The following TEX14 variants were observed in gnomAD, a reference collection of about 807,000 sequenced individuals.
TEX14 encodes testis expressed 14, intercellular bridge forming factor.
TEX14 carries 168 observed loss-of-function variants against 178.6 expected under a neutral mutation model. That is an observed-to-expected ratio of 0.94 (90% CI 0.83 to 1.07). TEX14 has a LOEUF of 1.07. Ranked by LOEUF, TEX14 falls within the 50% of genes least tolerant of loss-of-function variation. TEX14 has a pLI of 0.00. For missense variants in TEX14, 1,730 were observed against 1,753.6 expected, an observed-to-expected ratio of 0.99 and a Z score of 0.24; for synonymous variants, 626 against 634.1, an observed-to-expected ratio of 0.99 and a Z score of 0.19.
intron 30 of TEX14, among the ~76,000 whole-genome samples, 196 bp downstream of exon 30, chr17:58,559,257 T>C (rs1048508255): frequency 9.9e-5 from 15 of 152,126 alleles, no homozygotes; most frequent in African/African-American, 2.7e-4. Flanking sequence ...GGAAATAGAA[T>C]TGGATGTTAT....
intron 15 of TEX14, among the ~76,000 whole-genome samples, chr17:58,590,534 TTTGTTGTTGTTGTTG>T (rs76273680): frequency 9.4e-5 from 14 of 149,328 alleles, no homozygotes; most frequent in South Asian, 2.2e-4. Flanking sequence ...TCCAACTATT[TTTGTTGTTGTTGTTG>T]TTGTTGTTGT....
intron 10 of TEX14, among the ~76,000 whole-genome samples, chr17:58,610,104 C>G (rs2045709787): frequency 6.6e-6 from 1 of 152,194 alleles, no homozygotes; most frequent in African/African-American, 2.4e-5. Flanking sequence ...CTTGGGGGCT[C>G]TCAGGAAGAC....
Position 58,613,423 on chromosome 17 carries a change from G to C in TEX14, c.1003C>G (p.Arg335Gly), listed in dbSNP as rs141801212. The C allele has an allele frequency of 5.6e-6, 9 of 1,613,902 alleles. No homozygotes were observed. Among genetic ancestry groups the C allele is most frequent in the African/African-American group, 1.3e-5 (1 of 74,926 alleles). The part of the protein sequence containing the change: ...IGTLFSVLHE[R>G]RSQFPVLHME... ...AATCCACGGAAACAGCAGTTTACTC[G>C]TTCATGAAGGACACTGAACAATGTG... Residue 335 changes from arginine to glycine, a missense_variant and splice_region_variant, in exon 9 of 32, where the codon CGA (arginine) becomes GGA (glycine). By Grantham distance (125) the Arg-to-Gly change is moderately radical (BLOSUM62 -2). Transcript: ENST00000349033.
At position 58,599,233 on chromosome 17, in the gene TEX14, G is replaced by C. The variant is rs754212685; in HGVS notation, c.2112C>G (p.Ser704Arg). 1.2e-6 allele frequency: 2 copies of C among 1,613,902 alleles called. No homozygotes were observed. The highest frequency in any genetic ancestry group is 1.7e-6 in the Non-Finnish European group (2 of 1,180,002). ...TGGCTTCTCTGGTTGACTCAGGAAG[G>C]CTGAGTGAACTGAGTGAACCGTTTT... is the stretch of plus-strand genomic sequence containing the variant. ...DWQNGSLSSL[S>R]LPESTREAKS... Residue 704 changes from serine to arginine, a missense_variant, in exon 14 of 32, where the codon AGC (serine) becomes AGG (arginine). This residue lies in a region of TEX14 where 941 missense variants were observed against 1,072.4 expected (regional missense o/e 0.88). Coordinates refer to ENST00000349033, the MANE Select transcript of TEX14 (RefSeq NM_031272.5).
At position 58,617,596 on chromosome 17, in the gene TEX14, C is replaced by T. The variant is rs763188549; in HGVS notation, c.578G>A (p.Arg193Gln). ...AGAAATGACTCCAGCTTTAAGCAGT[C>T]GGTTAGGAGAGCCATTAGGGTTTCT... is the stretch of plus-strand genomic sequence containing the variant. ...VQGNPNGSPN[R>Q]LLKAGVISAQ... The change falls in exon 6 of 32, where the codon CGA becomes CAA. Residue 193 changes from arginine (R) to glutamine (Q), a missense_variant. This residue lies in a region of TEX14 where 789 missense variants were observed against 681.2 expected (regional missense o/e 1.16). Transcript: ENST00000349033. 1.6e-5 allele frequency: 25 copies of T among 1,612,830 alleles called. No homozygotes were observed. The East Asian group carries it at 1.8e-4, about 12-fold the overall frequency.
intron 1 of TEX14, among the ~76,000 whole-genome samples, chr17:58,683,007 C>G (rs1420643331): frequency 6.8e-6 from 1 of 147,934 alleles, no homozygotes; most frequent in African/African-American, 2.5e-5. Flanking sequence ...GTGTCGAGAT[C>G]GCGCCATTGC....
At chr17:58,611,362 C>T (rs774145014) in intron 9 of TEX14, 23 bp from the exon 10 acceptor site, 4 of 1,560,452 alleles carry the variant, frequency 2.6e-6, no homozygotes, top group East Asian at 4.5e-5. Context: ...GATGAAATGC[C>T]ACGAAAAAAA....
At chr17:58,636,500 G>A (rs1242365074) in intron 2 of TEX14, among the ~76,000 whole-genome samples, 1 of 152,174 alleles carries the variant, frequency 6.6e-6, no homozygotes, top group Non-Finnish European at 1.5e-5. Flanking sequence ...CCTCACAACT[G>A]TACAAGAAGA....
intron 1 of TEX14, among the ~76,000 whole-genome samples, chr17:58,684,168 A>G (rs2047551692): frequency 6.6e-6 from 1 of 151,628 alleles, no homozygotes; most frequent in South Asian, 2.1e-4. Context: ...AAGAAAAAAA[A>G]ATGCTTCCGC....
chr17:58,588,014 T>C lies in TEX14; in HGVS notation c.2584A>G (p.Arg862Gly), dbSNP rs1419458566. Residue 862 changes from arginine (R) to glycine (G), a missense_variant, in exon 16 of 32, where the codon AGA becomes GGA. By Grantham distance (125) the Arg-to-Gly change is moderately radical. Transcript: ENST00000349033. ...GCTTGGGCAGTGGACTCTCTAGGTC[T>C]TCCCTGGCTAAGAAATGAAAGGACT... is the stretch of plus-strand genomic sequence containing the variant. The part of the protein sequence containing the change: ...SRIQNTSSQG[R>G]PRESTAQAKA... 1 of 1,130,460 alleles carries C rather than the reference T, an allele frequency of 8.8e-7. No homozygotes were observed. Among genetic ancestry groups the C allele is most frequent in the Non-Finnish European group, 1.4e-6 (1 of 738,950 alleles). 70.0% of individuals were successfully genotyped at this position (1,130,460 alleles called of 1,614,324 possible). A position where few individuals can be genotyped will look rare whatever the true frequency, so the allele number is the denominator to read the frequency against.
chr17:58,621,518 G>A (rs1158502442), intron 5 of TEX14, 132 bp downstream of exon 5: 14 of 892,388 alleles, frequency 1.6e-5, no homozygotes, highest in Non-Finnish European at 2.3e-5. Flanking sequence ...TTCTTTCCAA[G>A]CACACCCCTT....
chr17:58,688,603 A>C (rs2047640207), intron 1 of TEX14, among the ~76,000 whole-genome samples: 1 of 152,202 alleles, frequency 6.6e-6, no homozygotes, highest in African/African-American at 2.4e-5. Flanking sequence ...AATCTTGACC[A>C]AAACCCCAGG....
In TEX14 at chr17:58,659,238, T is replaced by TA. The variant is rs939775290; in HGVS notation, c.-1-7237dup. ...GGAAATCGCGGGAGCAAACACATAG[T>TA]AAAAACCCTCCCCCAAGAAAAACAC... On this transcript the variant is annotated intron_variant, in intron 1 of 31. Coordinates refer to ENST00000349033, the MANE Select transcript of TEX14 (RefSeq NM_031272.5). 251 of 524,152 alleles carry TA rather than the reference T, an allele frequency of 4.8e-4. 4 individuals carry two copies. The South Asian group carries it at 0.019, about 40-fold the overall frequency. 32.5% of individuals were successfully genotyped at this position (524,152 alleles called of 1,614,324 possible).
intron 1 of TEX14, chr17:58,666,668 ATCACAGTATT>A (rs1373724538): frequency 6.6e-6 from 1 of 152,096 alleles, no homozygotes; most frequent in Non-Finnish European, 1.5e-5. Context: ...CACCTCCATA[ATCACAGTATT>A]TCTCCTGACA....
At chr17:58,684,678 T>TAAAA (rs1555588110) in intron 1 of TEX14, among the ~76,000 whole-genome samples, 1 of 146,016 alleles carries the variant, frequency 6.8e-6, no homozygotes, top group Non-Finnish European at 1.5e-5. Context: ...AATAAATAAA[T>TAAAA]AAAAAGCTTT....
intron 2 of TEX14, among the ~76,000 whole-genome samples, chr17:58,641,087 T>C (rs2046563603): frequency 6.6e-6 from 1 of 152,108 alleles, no homozygotes; most frequent in Non-Finnish European, 1.5e-5. Context: ...TCAAAGGTTA[T>C]TTAAGCCAAG....
At chr17:58,612,735 CAAAAA>C (rs35618114) in intron 9 of TEX14, among the ~76,000 whole-genome samples, 10 of 97,094 alleles carry the variant, frequency 1.0e-4, no homozygotes, top group African/African-American at 1.2e-4. Flanking sequence ...ACTCTTGTCT[CAAAAA>C]AAAAAAAAAA....
intron 1 of TEX14, among the ~76,000 whole-genome samples, chr17:58,679,199 G>A (rs569238275): frequency 1.6e-4 from 25 of 152,144 alleles, no homozygotes; most frequent in Non-Finnish European, 2.9e-4. Flanking sequence ...TCCACAAAAA[G>A]ATATAAAGAC....
chr17:58,582,795 C>T (rs1030733449), intron 19 of TEX14, among the ~76,000 whole-genome samples: 2 of 150,800 alleles, frequency 1.3e-5, no homozygotes, highest in African/African-American at 4.9e-5. Flanking sequence ...AACTCCTGAC[C>T]TCAAGTGATC....
Sources: gnomAD v4.1 joint callset for allele counts (sites outside exome capture counted in the v4.1 genomes callset) on GRCh38, gnomAD v4.1.1 for gene constraint, gnomAD v4.1.1 regional missense constraint, MANE v1.5 for transcripts, NCBI Gene and HGNC (gene_info 2026-07-23, HGNC 2026-07-21) for gene names.